Variants in RPL26L1 observed in about 807,000 individuals in gnomAD.
RPL26L1 encodes ribosomal protein uL24-like.
In RPL26L1, 8 loss-of-function variants were observed where a neutral mutation model predicts 15.2. The ratio of observed to expected loss-of-function variants is 0.53; its 90% CI spans 0.31 to 0.95. RPL26L1 has a LOEUF of 0.95. Among genes scored for constraint, RPL26L1 ranks in the 40% least tolerant of loss-of-function variants. The pLI, the probability that RPL26L1 is intolerant of heterozygous loss-of-function variation, is 0.05. For missense variants in RPL26L1, 146 were observed against 190.9 expected (o/e 0.76, Z 1.39); for synonymous variants, 51 against 65.9 (o/e 0.77, Z 1.09).
At chr5:172,957,556 G>A (rs1413023496), upstream of RPL26L1, 5 of 275,260 alleles carry the variant, frequency 1.8e-5, no homozygotes, top group South Asian at 3.3e-5. Flanking sequence ...TAAATAAGTG[G>A]GTGAATGACA....
In RPL26L1 at chr5:172,963,106, G is replaced by A. The variant is rs902835778; in HGVS notation, c.168+3065G>A. Among the ~76,000 whole-genome samples the A allele has an allele frequency of 9.6e-4, 145 of 151,782 alleles. 2 individuals are homozygous for A. Among genetic ancestry groups the A allele is most frequent in the Admixed American group, 2.8e-3 (43 of 15,230 alleles). The stretch of plus-strand genomic sequence containing the variant: ...AAAATCTAAAATCATGGCCAGGCGC[G>A]GTGGCTCACGCCTGTAATCCCGACA... On this transcript the variant is annotated intron_variant, in intron 2 of 3. Coordinates refer to ENST00000265100, the MANE Select transcript of RPL26L1 (RefSeq NM_016093.4).
chr5:172,969,391 C>T (rs505788), intron 3 of RPL26L1, 22 bp from the exon 4 acceptor site: 1,604,923 of 1,610,860 alleles, frequency 1, 799,528 homozygotes, highest in East Asian at 1. Context: ...GAAATAAAGA[C>T]CTGTTTTCTC....
upstream of RPL26L1, chr5:172,955,330 T>C (rs1457277868): frequency 7.4e-6 from 2 of 270,794 alleles, no homozygotes; most frequent in Non-Finnish European, 1.5e-5. Context: ...GGTTTCACCA[T>C]ATTGGTCAGG....
chr5:172,959,704 A>T (rs1755143778), intron 1 of RPL26L1, 161 bp from the exon 2 acceptor site: 1 of 1,073,522 alleles, frequency 9.3e-7, no homozygotes, highest in Non-Finnish European at 1.3e-6. Context: ...TTTATGTGAT[A>T]GTCAGACTAG....
intron 2 of RPL26L1, among the ~76,000 whole-genome samples, chr5:172,967,599 T>C (rs549743699): frequency 1.3e-5 from 2 of 152,266 alleles, no homozygotes; most frequent in East Asian, 3.9e-4. Context: ...CTTTAAAATA[T>C]TTGTATTAAA....
chr5:172,954,851 G>A (rs1469802486), upstream of RPL26L1: 1 of 441,564 alleles, frequency 2.3e-6, no homozygotes. Flanking sequence ...AACCAGATGT[G>A]GATTACAGTG....
rs560251188 is a variant in RPL26L1, at chr5:172,959,758, C to T, written c.-9-107C>T. 5 of 1,312,394 alleles carry T rather than the reference C, an allele frequency of 3.8e-6. No homozygotes were observed. The African/African-American group carries it at 4.4e-5, about 11-fold the overall frequency. The allele number at this position is 1,312,394 out of a possible 1,614,324, so 81.3% of individuals were successfully genotyped here. On this transcript the variant is annotated intron_variant, in intron 1 of 3. Coordinates refer to ENST00000265100, the MANE Select transcript of RPL26L1 (RefSeq NM_016093.4). Reference sequence around the variant, plus strand: ...CCTCAGTTGCCTTTTCAGAGGCTACCTCCCCTGTAGAGCCTTTGTTGGGGG... The same window carrying T: ...CCTCAGTTGCCTTTTCAGAGGCTACTTCCCCTGTAGAGCCTTTGTTGGGGG...
rs1402885653 is a variant in RPL26L1, at chr5:172,964,281, C to CCTTT, written c.169-4178_169-4177insCTTT. ...TGAGCCACAGTGTCTGGCCTGTTGC[C>CCTTT]TTTTTTTTTTTTTTTTTTTTTGAGA... On this transcript the variant is annotated intron_variant, in intron 2 of 3. Coordinates refer to ENST00000265100, the MANE Select transcript of RPL26L1 (RefSeq NM_016093.4). 3.3e-3 allele frequency among the ~76,000 whole-genome samples: 325 copies of CCTTT among 99,228 alleles called. 65 individuals are homozygous for CCTTT. Among genetic ancestry groups the CCTTT allele is most frequent in the African/African-American group, 6.8e-3 (187 of 27,682 alleles). 65.1% of individuals were successfully genotyped at this position (99,228 alleles called of 152,430 possible). A position where few individuals can be genotyped will look rare whatever the true frequency, so the allele number is the denominator to read the frequency against.
intron 2 of RPL26L1, among the ~76,000 whole-genome samples, chr5:172,961,528 C>G (rs547625378): frequency 1.3e-5 from 2 of 152,342 alleles, no homozygotes; most frequent in Non-Finnish European, 2.9e-5. Context: ...ACTTTGTTCT[C>G]TATTCATAAC....
intron 2 of RPL26L1, among the ~76,000 whole-genome samples, chr5:172,960,298 T>C (rs1417535721): frequency 1.3e-5 from 2 of 152,162 alleles, no homozygotes; most frequent in Non-Finnish European, 2.9e-5. Context: ...GTTTGTTTTG[T>C]AGAGATAGGG....
intron 2 of RPL26L1, among the ~76,000 whole-genome samples, chr5:172,963,154 G>C: frequency 6.6e-6 from 1 of 152,018 alleles, no homozygotes; most frequent in East Asian, 1.9e-4. Context: ...GAGGTGGGTG[G>C]ATCACCTGAG....
At chr5:172,960,500 G>T (rs564858346) in intron 2 of RPL26L1, among the ~76,000 whole-genome samples, 2 of 152,306 alleles carry the variant, frequency 1.3e-5, no homozygotes, top group South Asian at 4.1e-4. Context: ...GACTGTAGGG[G>T]AAGGTGCTGC....
intron 2 of RPL26L1, among the ~76,000 whole-genome samples, chr5:172,963,726 A>G (rs1755337385): frequency 6.6e-6 from 1 of 152,214 alleles, no homozygotes; most frequent in Admixed American, 6.6e-5. Context: ...TTTTATTTTT[A>G]ACTGAGGCAT....
intron 2 of RPL26L1, among the ~76,000 whole-genome samples, chr5:172,961,207 C>G (rs971590283): frequency 7.9e-5 from 12 of 152,040 alleles, no homozygotes; most frequent in African/African-American, 2.9e-4. Context: ...TGGAGTTAAG[C>G]CGGAAGTGTG....
At chr5:172,967,637 A>G (rs1755506554) in intron 2 of RPL26L1, among the ~76,000 whole-genome samples, 1 of 152,254 alleles carries the variant, frequency 6.6e-6, no homozygotes, top group South Asian at 2.1e-4. Context: ...TTAGAAGAAT[A>G]TAAATCTAAA....
chr5:172,966,569 G>A (rs1175067513), intron 2 of RPL26L1, among the ~76,000 whole-genome samples: 1 of 152,034 alleles, frequency 6.6e-6, no homozygotes, highest in Non-Finnish European at 1.5e-5. Flanking sequence ...TTTGAGACCA[G>A]CCTGGGCAGC....
At chr5:172,967,725 G>T (rs1261846578) in intron 2 of RPL26L1, among the ~76,000 whole-genome samples, 1 of 151,342 alleles carries the variant, frequency 6.6e-6, no homozygotes, top group Non-Finnish European at 1.5e-5. Context: ...ATCCCACTGT[G>T]TCATGCTATA....
At chr5:172,967,002 C>T (rs1039081695) in intron 2 of RPL26L1, among the ~76,000 whole-genome samples, 1 of 151,820 alleles carries the variant, frequency 6.6e-6, no homozygotes, top group Non-Finnish European at 1.5e-5. Flanking sequence ...TCTACAGGCG[C>T]CCACCACCAC....
At position 172,959,474 on chromosome 5, in the gene RPL26L1, T is replaced by A. The variant is rs1755131052; in HGVS notation, c.-10+6T>A. ...CTGAGGCAGCTAGTAGCCGGGTGAG[T>A]GGAGGCTGGAGTTTTCTCGGACAGT... On this transcript the variant is annotated splice_donor_region_variant and intron_variant, in intron 1 of 3. Transcript: ENST00000265100. 2.0e-6 allele frequency: 2 copies of A among 1,019,532 alleles called. No individual in the cohort carries two copies. 63.2% of individuals were successfully genotyped at this position (1,019,532 alleles called of 1,614,324 possible).
Sources: allele counts gnomAD v4.1 joint callset (sites outside exome capture counted in the v4.1 genomes callset), GRCh38; gene constraint gnomAD v4.1.1; transcripts MANE v1.5; gene names NCBI Gene and HGNC (gene_info 2026-07-23, HGNC 2026-07-21).